The following ATP9B variants were observed in gnomAD, a reference collection of about 807,000 sequenced individuals.
The protein encoded by ATP9B is probable phospholipid-transporting ATPase IIB.
In ATP9B, 110 loss-of-function variants were observed where a neutral mutation model predicts 146.1. The observed-to-expected ratio is 0.75, with a 90% confidence interval of 0.65 to 0.88. ATP9B has a LOEUF of 0.88. Ranked by LOEUF, ATP9B falls within the 40% of genes least tolerant of loss-of-function variation. The pLI, the probability that ATP9B is intolerant of heterozygous loss-of-function variation, is 0.00. For missense variants in ATP9B, 1,499 were observed against 1,496.4 expected, an observed-to-expected ratio of 1.00 and a Z score of -0.03; for synonymous variants, 604 against 569.7, an observed-to-expected ratio of 1.06 and a Z score of -0.86.
intron 26 of ATP9B, among the ~76,000 whole-genome samples, chr18:79,366,993 G>A (rs898114318): frequency 6.6e-6 from 1 of 152,160 alleles, no homozygotes; most frequent in African/African-American, 2.4e-5. Flanking sequence ...TAACCAGAGA[G>A]CACACAGATA....
chr18:79,371,148 C>T (rs907589821), intron 26 of ATP9B, among the ~76,000 whole-genome samples: 9 of 151,998 alleles, frequency 5.9e-5, no homozygotes, highest in Non-Finnish European at 8.8e-5. Context: ...CCGAGGTGGG[C>T]GGATCATGAG....
At chr18:79,307,853 C>T (rs2096627881) in intron 15 of ATP9B, among the ~76,000 whole-genome samples, 1 of 152,042 alleles carries the variant, frequency 6.6e-6, no homozygotes, top group South Asian at 2.1e-4. Context: ...GTTTTGTGTA[C>T]ACTTTGTCCC....
chr18:79,261,412 G>A (rs1239068624), intron 12 of ATP9B, among the ~76,000 whole-genome samples: 1 of 152,102 alleles, frequency 6.6e-6, no homozygotes, highest in East Asian at 1.9e-4. Flanking sequence ...TCAAAGGAGT[G>A]GGAATACGCC....
chr18:79,329,335 T>C (rs756207850), intron 16 of ATP9B, 33 bp downstream of exon 16: 3 of 1,511,566 alleles, frequency 2.0e-6, no homozygotes, highest in Non-Finnish European at 2.7e-6. Flanking sequence ...ACGCGATGGC[T>C]TCAGACATTT....
intron 15 of ATP9B, among the ~76,000 whole-genome samples, chr18:79,321,377 T>C (rs1449148618): frequency 8.4e-6 from 1 of 118,498 alleles, no homozygotes; most frequent in African/African-American, 3.3e-5. Context: ...AGTTATTTCA[T>C]CTAGCAATTT....
rs1206264292 is a variant in ATP9B at position 79,213,966 on chromosome 18, T to C, written c.1035T>C (p.Thr345=). Residue 345 remains threonine (T), a synonymous_variant, in exon 11 of 30, where the codon ACT becomes ACC. Transcript: ENST00000426216. ...ACCACTTTCATGTTTTTGCAGGTAC[T>C]GTAATAGGTGTTGTCATTTATACCG... ...LWASTIVASG[T]VIGVVIYTGK... is the part of the protein sequence containing the mutation. 6.3e-7 allele frequency: 1 copy of C among 1,599,800 alleles called. No homozygotes were observed. Among genetic ancestry groups the C allele is most frequent in the African/African-American group, 1.3e-5 (1 of 74,086 alleles).
intron 13 of ATP9B, among the ~76,000 whole-genome samples, chr18:79,295,684 T>C (rs2096542832): frequency 1.3e-5 from 2 of 152,258 alleles, no homozygotes. Flanking sequence ...TTCATCTCTC[T>C]CTAAAATCCC....
At chr18:79,102,349 G>T (rs2075341901) in intron 2 of ATP9B, among the ~76,000 whole-genome samples, 1 of 152,088 alleles carries the variant, frequency 6.6e-6, no homozygotes, top group Non-Finnish European at 1.5e-5. Context: ...CTTTACATTT[G>T]AATATTTAAA....
At chr18:79,327,671 T>TCTCCATGGTTAGCGTGCTCG (rs2096761719) in intron 15 of ATP9B, among the ~76,000 whole-genome samples, 1 of 144,192 alleles carries the variant, frequency 6.9e-6, no homozygotes, top group African/African-American at 2.7e-5. Flanking sequence ...TAGCGTGCTC[T>TCTCCATGGTTAGCGTGCTCG]CCGTGGTTAG....
chr18:79,349,896 C>G (rs1023274072), intron 25 of ATP9B, among the ~76,000 whole-genome samples: 2 of 36,282 alleles, frequency 5.5e-5, no homozygotes, highest in African/African-American at 3.2e-4. Flanking sequence ...GGCCCCGCAC[C>G]CCCCCCCCCA....
intron 2 of ATP9B, among the ~76,000 whole-genome samples, chr18:79,100,856 C>T (rs1026907081): frequency 3.9e-5 from 6 of 152,110 alleles, no homozygotes; most frequent in African/African-American, 1.4e-4. Flanking sequence ...CAGAAAAACT[C>T]CTGTTTTTAA....
At chr18:79,089,544 A>G (rs900060155) in intron 1 of ATP9B, among the ~76,000 whole-genome samples, 15 of 152,048 alleles carry the variant, frequency 9.9e-5, no homozygotes, top group Admixed American at 2.6e-4. Flanking sequence ...TCCAGATGTC[A>G]CTACTTGGGG....
intron 11 of ATP9B, among the ~76,000 whole-genome samples, chr18:79,252,979 G>A (rs962096580): frequency 2.3e-4 from 35 of 152,322 alleles, no homozygotes; most frequent in African/African-American, 8.2e-4. Context: ...ATGCAAGGAA[G>A]ACCCGCCTGC....
At chr18:79,372,704 GT>G in intron 26 of ATP9B, 120 bp from the exon 27 acceptor site, 1 of 751,724 alleles carries the variant, frequency 1.3e-6, no homozygotes. Flanking sequence ...GGTGGCTGGG[GT>G]GGCATGGATG....
intron 11 of ATP9B, among the ~76,000 whole-genome samples, chr18:79,217,054 C>G (rs745662611): frequency 1.3e-5 from 2 of 152,254 alleles, no homozygotes; most frequent in African/African-American, 2.4e-5. Flanking sequence ...GAGAAGAGTG[C>G]GTTCCCGACT....
intron 8 of ATP9B, among the ~76,000 whole-genome samples, chr18:79,188,213 A>G (rs1366834720): frequency 6.6e-6 from 1 of 152,234 alleles, no homozygotes; most frequent in Non-Finnish European, 1.5e-5. Context: ...GGATGTTACT[A>G]ACAACCTAAA....
chr18:79,348,239 T>G (rs1287595672), intron 25 of ATP9B, 43 bp downstream of exon 25: 1 of 958,060 alleles, frequency 1.0e-6, no homozygotes, highest in African/African-American at 2.1e-5. Flanking sequence ...AGGGGAGGAC[T>G]TCTATTTTGA....
intron 13 of ATP9B, among the ~76,000 whole-genome samples, chr18:79,289,320 ATTC>A (rs1247923132): frequency 3.9e-5 from 6 of 151,956 alleles, no homozygotes; most frequent in Non-Finnish European, 7.4e-5. Flanking sequence ...ATTTCTTTTT[ATTC>A]TTTTTTCTCT....
intron 2 of ATP9B, among the ~76,000 whole-genome samples, chr18:79,102,804 T>C (rs2075378493): frequency 6.6e-6 from 1 of 152,216 alleles, no homozygotes; most frequent in Non-Finnish European, 1.5e-5. Context: ...TGAAGATAAT[T>C]TGATCTCTTT....
Sources: allele counts gnomAD v4.1 joint callset (sites outside exome capture counted in the v4.1 genomes callset), GRCh38; gene constraint gnomAD v4.1.1; transcripts MANE v1.5; gene names NCBI Gene and HGNC (gene_info 2026-07-23, HGNC 2026-07-21).